NLGN1: variants seen among roughly 807,000 people sequenced by gnomAD.
NLGN1 encodes neuroligin 1.
A neutral mutation model predicts 65.5 loss-of-function variants in NLGN1; 12 were observed. The ratio of observed to expected loss-of-function variants is 0.18; its 90% confidence interval spans 0.12 to 0.30. NLGN1 has a LOEUF of 0.30. NLGN1 is among the 10% of genes least tolerant of loss of function. NLGN1 has a pLI of 1.00. For missense variants in NLGN1, 750 were observed against 1,007.1 expected (o/e 0.74, Z 3.46); for synonymous variants, 350 against 359.5 (o/e 0.97, Z 0.30).
chr3:173,400,181 G>T (rs1717399006), intron 1 of NLGN1, among the ~76,000 whole-genome samples: 1 of 152,152 alleles, frequency 6.6e-6, no homozygotes, highest in African/African-American at 2.4e-5. Flanking sequence ...TCAATAGGAA[G>T]ATATGATTTT....
At chr3:173,809,287 C>T (rs1717373148) in intron 4 of NLGN1, among the ~76,000 whole-genome samples, 1 of 152,118 alleles carries the variant, frequency 6.6e-6, no homozygotes, top group Non-Finnish European at 1.5e-5. Context: ...ATTCTTGAAT[C>T]TTAAACCTTG....
intron 1 of NLGN1, chr3:173,399,902 T>C (rs1339923239): frequency 6.6e-6 from 1 of 152,248 alleles, no homozygotes; most frequent in Admixed American, 6.5e-5. Flanking sequence ...AGATATAGCT[T>C]TGAGTGACGT....
chr3:173,628,906 C>CACTT (rs1755220375), intron 3 of NLGN1, among the ~76,000 whole-genome samples: 3 of 151,970 alleles, frequency 2.0e-5, no homozygotes, highest in African/African-American at 7.2e-5. Flanking sequence ...GTTGGCCAGG[C>CACTT]TGGTCTCGAA....
chr3:173,955,143 ATT>A (rs1471019097), intron 4 of NLGN1, among the ~76,000 whole-genome samples: 1 of 151,958 alleles, frequency 6.6e-6, no homozygotes, highest in Non-Finnish European at 1.5e-5. Context: ...TATTCATAGA[ATT>A]ATCATAAGTC....
At chr3:173,513,678 A>G (rs368880558) in intron 2 of NLGN1, among the ~76,000 whole-genome samples, 26 of 152,140 alleles carry the variant, frequency 1.7e-4, no homozygotes, top group African/African-American at 4.8e-4. Flanking sequence ...TCATTTTTTG[A>G]TGAATAAAAT....
chr3:173,580,608 T>C (rs989664123), intron 2 of NLGN1, among the ~76,000 whole-genome samples: 5 of 152,040 alleles, frequency 3.3e-5, no homozygotes, highest in African/African-American at 9.7e-5. Flanking sequence ...ATCCTCTCTG[T>C]CAGTAAATCA....
At chr3:173,560,171 TC>T (rs1164026998) in intron 2 of NLGN1, among the ~76,000 whole-genome samples, 1 of 152,094 alleles carries the variant, frequency 6.6e-6, no homozygotes, top group African/African-American at 2.4e-5. Context: ...GACCTCGTGA[TC>T]CGCCCGCCTC....
intron 4 of NLGN1, among the ~76,000 whole-genome samples, chr3:173,865,180 A>C (rs1436963056): frequency 1.3e-5 from 2 of 152,118 alleles, no homozygotes; most frequent in Non-Finnish European, 2.9e-5. Flanking sequence ...GTGTGAAGTA[A>C]ATGTAACCAC....
chr3:174,279,762 T>C lies in NLGN1; in HGVS notation c.1649+112T>C. On this transcript the variant is annotated intron_variant, in intron 6 of 6. Transcript: ENST00000457714. This position sits in a 1 kb window ranked among gnomAD's most constrained non-coding sequence, Gnocchi z 4.7. Reference sequence around the variant, plus strand: ...TCATATTGGATTAATACCTGCAAGATATTACATTCCTTTATTCAAAATTAA... The same window carrying C: ...TCATATTGGATTAATACCTGCAAGACATTACATTCCTTTATTCAAAATTAA... 1 of 633,484 alleles carries C rather than the reference T, an allele frequency of 1.6e-6. No homozygotes were observed. The allele number at this position is 633,484 out of a possible 1,614,324, so 39.2% of individuals were successfully genotyped here.
At chr3:173,915,632 G>A (rs956649710) in intron 4 of NLGN1, among the ~76,000 whole-genome samples, 3 of 152,110 alleles carry the variant, frequency 2.0e-5, no homozygotes, top group African/African-American at 2.4e-5. Flanking sequence ...GAAGAACGCC[G>A]ATTTTATCTG....
intron 4 of NLGN1, among the ~76,000 whole-genome samples, chr3:174,147,906 C>T (rs1430665730): frequency 1.3e-5 from 2 of 152,116 alleles, no homozygotes; most frequent in African/African-American, 4.8e-5. Context: ...TATTATTATA[C>T]TTTAAACATA....
At chr3:174,281,539 A>G in exon 7 of NLGN1, 1 of 410,694 alleles carries the variant, frequency 2.4e-6, no homozygotes, top group Non-Finnish European at 4.3e-6. Flanking sequence ...TTTCATTCAC[A>G]TTCAAGAATT....
At chr3:173,711,794 A>G (rs1200748918) in intron 3 of NLGN1, among the ~76,000 whole-genome samples, 1 of 152,104 alleles carries the variant, frequency 6.6e-6, no homozygotes, top group Non-Finnish European at 1.5e-5. Context: ...CAGTTACTGA[A>G]GGAGGTAAGG....
chr3:173,726,334 C>T (rs1004827866), intron 3 of NLGN1, among the ~76,000 whole-genome samples: 1 of 151,898 alleles, frequency 6.6e-6, no homozygotes, highest in Non-Finnish European at 1.5e-5. Flanking sequence ...ATTCTTAATA[C>T]TTTCTGTTTT....
intron 2 of NLGN1, among the ~76,000 whole-genome samples, chr3:173,528,610 T>C (rs1736042696): frequency 6.6e-6 from 1 of 152,212 alleles, no homozygotes; most frequent in Non-Finnish European, 1.5e-5. Context: ...CATAATTCCA[T>C]ATTTCTCCAA....
chr3:174,140,577 C>T (rs578182408), intron 4 of NLGN1, among the ~76,000 whole-genome samples: 5 of 152,210 alleles, frequency 3.3e-5, no homozygotes, highest in East Asian at 1.9e-4. Flanking sequence ...ACAACCCATA[C>T]ATGAGTGGAA....
chr3:173,804,577 G>A (rs903884441), intron 3 of NLGN1, among the ~76,000 whole-genome samples: 11 of 147,280 alleles, frequency 7.5e-5, no homozygotes, highest in Non-Finnish European at 1.5e-4. Context: ...TGATATATTA[G>A]TTTTATTTAT....
chr3:173,621,616 T>C (rs1485685879), intron 3 of NLGN1, among the ~76,000 whole-genome samples: 3 of 151,918 alleles, frequency 2.0e-5, no homozygotes, highest in Admixed American at 2.0e-4. Context: ...AGATATGGGG[T>C]AATAGCACTG....
At chr3:173,425,653 T>C (rs1194274144) in intron 1 of NLGN1, among the ~76,000 whole-genome samples, 1 of 152,180 alleles carries the variant, frequency 6.6e-6, no homozygotes, top group Non-Finnish European at 1.5e-5. Context: ...TGTAAATGCA[T>C]AGACTTATTT....
Sources: allele counts gnomAD v4.1 joint callset (sites outside exome capture counted in the v4.1 genomes callset), GRCh38; gene constraint gnomAD v4.1.1; non-coding constraint Gnocchi (gnomAD v3.1); transcripts MANE v1.5; gene names NCBI Gene and HGNC (gene_info 2026-07-23, HGNC 2026-07-21).